Variants in ZBTB16 observed in about 807,000 individuals in gnomAD.
The protein encoded by ZBTB16 is zinc finger and BTB domain-containing protein 16.
Under a neutral mutation model 56.8 loss-of-function variants are expected in ZBTB16, and 8 were observed. The ratio of observed to expected loss-of-function variants is 0.14; its 90% CI spans 0.08 to 0.25. The LOEUF (loss-of-function observed/expected upper bound fraction) is 0.25. ZBTB16 is among the 10% of genes least tolerant of loss of function. The pLI is 1.00. For missense variants in ZBTB16, 625 were observed against 903.0 expected, an observed-to-expected ratio of 0.69 and a Z score of 3.95; for synonymous variants, 363 against 368.5, an observed-to-expected ratio of 0.98 and a Z score of 0.17.
chr11:114,101,192 A>G (rs561898810), intron 2 of ZBTB16, among the ~76,000 whole-genome samples: 30 of 152,096 alleles, frequency 2.0e-4, no homozygotes, highest in African/African-American at 6.5e-4. Context: ...TTTTGTAGAG[A>G]TGAGGTTTCA....
Position 114,063,721 on chromosome 11 carries a change from G to A in ZBTB16, c.421G>A (p.Gly141Arg), listed in dbSNP as rs1415827464. ...CACGGAGGCCACCATGGCCGATGGC[G>A]GGGCCGAGGAAGAAGAGGACCGCAA... ...NDTEATMADG[G>R]AEEEEDRKAR... Residue 141 changes from glycine to arginine, a missense_variant, in exon 2 of 7, where the codon GGG (glycine) becomes AGG (arginine). By Grantham distance (125) the Gly-to-Arg change is moderately radical. Coordinates refer to ENST00000335953, the MANE Select transcript of ZBTB16 (RefSeq NM_006006.6). The surrounding 1 kb of genome is among the most constrained non-coding windows in gnomAD (Gnocchi z 6.5). 9 of 1,613,910 alleles carry A rather than the reference G, an allele frequency of 5.6e-6. No homozygotes were observed. Among genetic ancestry groups the A allele is most frequent in the East Asian group, 2.2e-5 (1 of 44,886 alleles).
chr11:114,221,819 C>T (rs398055), intron 4 of ZBTB16, among the ~76,000 whole-genome samples: 56,989 of 151,962 alleles, frequency 0.38, 11,141 homozygotes, highest in Middle Eastern at 0.51. Flanking sequence ...TCTTAAAAGG[C>T]AATTTCAGAA....
At position 114,251,353 on chromosome 11, in the gene ZBTB16, C is replaced by T. The variant is rs2135221167; in HGVS notation, c.*798C>T. Among the ~76,000 whole-genome samples the T allele has an allele frequency of 6.6e-6, 1 of 152,310 alleles. No individual in the cohort carries two copies. The highest frequency in any genetic ancestry group is 6.5e-5 in the Admixed American group (1 of 15,294). On this transcript the variant is annotated 3_prime_UTR_variant, in exon 7 of 7. Transcript: ENST00000335953. ...CCTCCTACCCTCAGCCTTCTGAGAACACAAAACAAATCCAATACCCCACCC... is the reference window on the plus strand; with the variant it reads ...CCTCCTACCCTCAGCCTTCTGAGAATACAAAACAAATCCAATACCCCACCC...
intron 4 of ZBTB16, among the ~76,000 whole-genome samples, chr11:114,237,854 A>G (rs1249441600): frequency 6.6e-6 from 1 of 152,038 alleles, no homozygotes; most frequent in Non-Finnish European, 1.5e-5. Context: ...TTCTATCATC[A>G]TAGCTGTTAG....
rs2137643671 is a variant in ZBTB16, at chr11:114,060,916, C to T, written c.-91+1034C>T. Reference sequence around the variant, plus strand: ...CCCCTTCTCGCCTTTCCTCCCACAACTCGCTGCGGGGCTTTTGTGCTTCCC... The same window carrying T: ...CCCCTTCTCGCCTTTCCTCCCACAATTCGCTGCGGGGCTTTTGTGCTTCCC... On this transcript the variant is annotated intron_variant, in intron 1 of 6. Coordinates refer to ENST00000335953, the MANE Select transcript of ZBTB16 (RefSeq NM_006006.6). This position sits in a 1 kb window ranked among gnomAD's most constrained non-coding sequence, Gnocchi z 6.0. Among the ~76,000 whole-genome samples the T allele has an allele frequency of 6.6e-6, 1 of 152,248 alleles. No homozygotes were observed. Among genetic ancestry groups the T allele is most frequent in the South Asian group, 2.1e-4 (1 of 4,826 alleles).
At chr11:114,243,503 GT>G (rs1944754819) in intron 5 of ZBTB16, among the ~76,000 whole-genome samples, 2 of 152,202 alleles carry the variant, frequency 1.3e-5, no homozygotes, top group African/African-American at 4.8e-5. Context: ...ATGCCATTTT[GT>G]TCAGGGGAGC....
chr11:114,203,013 T>C (rs1943770638), intron 4 of ZBTB16, among the ~76,000 whole-genome samples: 1 of 152,240 alleles, frequency 6.6e-6, no homozygotes. Flanking sequence ...TGAACATTCA[T>C]AGCAGTGTTG....
At chr11:114,107,311 A>C (rs983923787) in intron 2 of ZBTB16, among the ~76,000 whole-genome samples, 1 of 152,174 alleles carries the variant, frequency 6.6e-6, no homozygotes, top group South Asian at 2.1e-4. Context: ...CCAGAAAAGA[A>C]CTTTTTAGAC....
intron 4 of ZBTB16, among the ~76,000 whole-genome samples, chr11:114,194,996 T>C (rs1395625073): frequency 6.6e-6 from 1 of 152,230 alleles, no homozygotes; most frequent in Non-Finnish European, 1.5e-5. Flanking sequence ...TGTCATTTGA[T>C]CTGGAAACTT....
intron 4 of ZBTB16, among the ~76,000 whole-genome samples, chr11:114,241,548 A>T (rs951445168): frequency 2.6e-5 from 4 of 152,186 alleles, no homozygotes; most frequent in African/African-American, 9.7e-5. Flanking sequence ...TGCTTGAATC[A>T]TCCCAAAGCC....
At chr11:114,186,893 A>C in intron 3 of ZBTB16, 59 bp from the exon 4 acceptor site, 1 of 1,552,246 alleles carries the variant, frequency 6.4e-7, no homozygotes, top group African/African-American at 1.4e-5. Flanking sequence ...GTGGCCCAGG[A>C]CCTCCCCGCT....
chr11:114,102,231 A>G (rs1940634212), intron 2 of ZBTB16, among the ~76,000 whole-genome samples: 1 of 152,128 alleles, frequency 6.6e-6, no homozygotes, highest in Admixed American at 6.5e-5. Flanking sequence ...AGAAAAAAAA[A>G]ATCCTTAACC....
chr11:114,170,426 C>G (rs1316360195), intron 3 of ZBTB16, among the ~76,000 whole-genome samples: 1 of 152,192 alleles, frequency 6.6e-6, no homozygotes, highest in African/African-American at 2.4e-5. Context: ...TGAGCTTGTT[C>G]ACCGCGTAGA....
chr11:114,190,203 C>T (rs1361254276), intron 4 of ZBTB16, among the ~76,000 whole-genome samples: 1 of 152,198 alleles, frequency 6.6e-6, no homozygotes. Flanking sequence ...GGAGTTTCTT[C>T]ATGGAGTGAT....
intron 4 of ZBTB16, among the ~76,000 whole-genome samples, chr11:114,197,040 C>A (rs3863296): frequency 0.22 from 33,524 of 151,952 alleles, 3,825 homozygotes; most frequent in Middle Eastern, 0.32. Flanking sequence ...TGGATCAAAG[C>A]CCCTATTTGA....
intron 3 of ZBTB16, among the ~76,000 whole-genome samples, chr11:114,159,544 A>T (rs1382802669): frequency 6.6e-6 from 1 of 152,188 alleles, no homozygotes; most frequent in Non-Finnish European, 1.5e-5. Context: ...TTGAAAATAA[A>T]ATAGCACAAA....
At chr11:114,093,704 A>G (rs565942003) in intron 2 of ZBTB16, among the ~76,000 whole-genome samples, 22 of 152,318 alleles carry the variant, frequency 1.4e-4, no homozygotes, top group Middle Eastern at 3.4e-3. Flanking sequence ...TAGTACAGGA[A>G]ATGTTCCCAT....
At chr11:114,188,495 A>G (rs969937374) in intron 4 of ZBTB16, 13 of 152,230 alleles carry the variant, frequency 8.5e-5, no homozygotes, top group Admixed American at 5.9e-4. Flanking sequence ...TGTCTACCTC[A>G]TAGCATTAGG....
At chr11:114,168,758 AC>A (rs1055834477) in intron 3 of ZBTB16, among the ~76,000 whole-genome samples, 31 of 152,124 alleles carry the variant, frequency 2.0e-4, no homozygotes, top group African/African-American at 7.2e-4. Flanking sequence ...CCAATCTCAA[AC>A]TGGGGAGCTG....
Sources: gnomAD v4.1 joint callset for allele counts (sites outside exome capture counted in the v4.1 genomes callset) on GRCh38, gnomAD v4.1.1 for gene constraint, Gnocchi (gnomAD v3.1) non-coding constraint, MANE v1.5 for transcripts, NCBI Gene and HGNC (gene_info 2026-07-23, HGNC 2026-07-21) for gene names.